Variants in SV2B observed in about 807,000 individuals in gnomAD.
The protein encoded by SV2B is synaptic vesicle glycoprotein 2B.
In SV2B, 41 loss-of-function variants were observed where a neutral mutation model predicts 73.9. The ratio of observed to expected loss-of-function variants is 0.56; its 90% CI spans 0.43 to 0.72. SV2B has a LOEUF of 0.72. Ranked by LOEUF, SV2B falls within the 30% of genes least tolerant of loss-of-function variation. The pLI, the probability that SV2B is intolerant of heterozygous loss-of-function variation, is 0.00. For missense variants in SV2B, 764 were observed against 857.8 expected, an observed-to-expected ratio of 0.89 and a Z score of 1.37; for synonymous variants, 314 against 314.2, an observed-to-expected ratio of 1.00 and a Z score of 0.01.
At chr15:91,188,458 C>T (rs867738523) in intron 1 of SV2B, among the ~76,000 whole-genome samples, 12 of 152,140 alleles carry the variant, frequency 7.9e-5, no homozygotes, top group African/African-American at 2.4e-4. Context: ...GGACTACAGG[C>T]GCCTGCCACC....
rs2042163948 is a variant in SV2B at position 91,115,873 on chromosome 15, T to C, written c.-392+15510T>C. On this transcript the variant is annotated intron_variant, in intron 1 of 12. Coordinates refer to ENST00000394232, the MANE Select transcript of SV2B (RefSeq NM_001323032.3). The surrounding 1 kb of genome is among the most constrained non-coding windows in gnomAD (Gnocchi z 4.3). ...TCATTGTGTTAGGCATCAGAGTTAA[T>C]GATAGGTAAGGAAAACGTGATCTCT... Among the ~76,000 whole-genome samples, 1 of 152,212 alleles carries C rather than the reference T, an allele frequency of 6.6e-6. No individual in the cohort carries two copies. Among genetic ancestry groups the C allele is most frequent in the African/African-American group, 2.4e-5 (1 of 41,442 alleles).
chr15:91,156,319 G>C (rs2043488869), intron 1 of SV2B, among the ~76,000 whole-genome samples: 1 of 152,196 alleles, frequency 6.6e-6, no homozygotes, highest in Non-Finnish European at 1.5e-5. Context: ...GGACTTCTGA[G>C]AGATGGGTTC....
At chr15:91,171,582 G>A (rs1056692021) in intron 1 of SV2B, among the ~76,000 whole-genome samples, 2 of 152,128 alleles carry the variant, frequency 1.3e-5, no homozygotes, top group African/African-American at 2.4e-5. Flanking sequence ...TTCTCAGAGC[G>A]GTTGGTTGGA....
At position 91,214,002 on chromosome 15, in the gene SV2B, G is replaced by A. The variant is rs1167899181; in HGVS notation, c.-391-11871G>A. On this transcript the variant is annotated intron_variant, in intron 1 of 12. Transcript: ENST00000394232. This position sits in a 1 kb window ranked among gnomAD's most constrained non-coding sequence, Gnocchi z 4.7. ...CTATGTGATTCAGTGTTATTGAATG[G>A]TATGTTCAAACACCTTTTGAAGTCA... 6.6e-6 allele frequency among the ~76,000 whole-genome samples: 1 copy of A among 152,206 alleles called. No homozygotes were observed. The highest frequency in any genetic ancestry group is 1.5e-5 in the Non-Finnish European group (1 of 68,046).
intron 9 of SV2B, among the ~76,000 whole-genome samples, chr15:91,270,768 T>C (rs934858604): frequency 1.3e-5 from 2 of 148,620 alleles, no homozygotes; most frequent in Non-Finnish European, 1.5e-5. Context: ...GAAAGCAGTG[T>C]TGAATCCTGT....
chr15:91,268,619 C>A lies in SV2B; in HGVS notation c.1373+14C>A. The A allele has an allele frequency of 6.2e-7, 1 of 1,604,034 alleles. No homozygotes were observed. The highest frequency in any genetic ancestry group is 1.3e-5 in the African/African-American group (1 of 74,894). On this transcript the variant is annotated intron_variant, in intron 9 of 12. Coordinates refer to ENST00000394232, the MANE Select transcript of SV2B (RefSeq NM_001323032.3). The surrounding 1 kb of genome is among the most constrained non-coding windows in gnomAD (Gnocchi z 4.4). The stretch of plus-strand genomic sequence containing the variant: ...TGTGAATGATAAGTAAGTGAGTGAT[C>A]ACGGGCTTCCCTCACATCAGGGTGA...
intron 1 of SV2B, among the ~76,000 whole-genome samples, chr15:91,146,541 G>A (rs1273009057): frequency 6.6e-6 from 1 of 152,130 alleles, no homozygotes; most frequent in Admixed American, 6.5e-5. Flanking sequence ...GGGCAGTGTG[G>A]CCATTTTAAT....
chr15:91,255,400 C>T (rs1230825398), intron 4 of SV2B, among the ~76,000 whole-genome samples: 3 of 152,098 alleles, frequency 2.0e-5, no homozygotes, highest in Non-Finnish European at 2.9e-5. Flanking sequence ...TGTTCTCACT[C>T]ATAAGTAGGA....
rs1274097625 is a variant in SV2B, at chr15:91,129,917, C to T, written c.-392+29554C>T. Reference sequence around the variant, plus strand: ...GGGTTAAGTGAGATAATGCATGTAACACGCTTAGCTCAGTGCCTGGTCCTT... The same window carrying T: ...GGGTTAAGTGAGATAATGCATGTAATACGCTTAGCTCAGTGCCTGGTCCTT... On this transcript the variant is annotated intron_variant, in intron 1 of 12. Transcript: ENST00000394232. The surrounding 1 kb of genome is among the most constrained non-coding windows in gnomAD (Gnocchi z 5.1). Among the ~76,000 whole-genome samples the T allele has an allele frequency of 6.6e-6, 1 of 152,172 alleles. No homozygotes were observed. Among genetic ancestry groups the T allele is most frequent in the African/African-American group, 2.4e-5 (1 of 41,452 alleles).
At chr15:91,172,216 C>A (rs532990504) in intron 1 of SV2B, among the ~76,000 whole-genome samples, 4 of 152,222 alleles carry the variant, frequency 2.6e-5, no homozygotes, top group Non-Finnish European at 4.4e-5. Flanking sequence ...TTCTCCTCCC[C>A]CTCTGCATCC....
In SV2B at chr15:91,200,180, A is replaced by T. The variant is rs150426854; in HGVS notation, c.-391-25693A>T. On this transcript the variant is annotated intron_variant, in intron 1 of 12. Transcript: ENST00000394232. ...CAAAAGGTAAGGTTTCCACTGAGGG[A>T]ATCTGATGCTTTAATTTTGAGTTTG... Among the ~76,000 whole-genome samples, 505 of 152,298 alleles carry T rather than the reference A, an allele frequency of 3.3e-3. 6 individuals carry two copies. The highest frequency in any genetic ancestry group is 3.3e-3 in the Non-Finnish European group (226 of 68,032).
intron 1 of SV2B, among the ~76,000 whole-genome samples, chr15:91,177,154 T>G (rs2044343464): frequency 6.6e-6 from 1 of 151,786 alleles, no homozygotes; most frequent in Middle Eastern, 3.2e-3. Context: ...AGGGAATCCT[T>G]TCCCCATTGC....
chr15:91,260,954 A>G (rs2047890892), intron 6 of SV2B, among the ~76,000 whole-genome samples: 2 of 152,214 alleles, frequency 1.3e-5, no homozygotes, highest in African/African-American at 4.8e-5. Context: ...CTCCCACAAC[A>G]TGTGGGAATT....
At chr15:91,102,857 A>G (rs1049690661) in intron 1 of SV2B, among the ~76,000 whole-genome samples, 3 of 152,102 alleles carry the variant, frequency 2.0e-5, no homozygotes, top group Non-Finnish European at 4.4e-5. Flanking sequence ...GGTAAATGAC[A>G]TTTTACCAGA....
At chr15:91,249,000 A>G (rs577434883) in intron 2 of SV2B, among the ~76,000 whole-genome samples, 2 of 152,032 alleles carry the variant, frequency 1.3e-5, no homozygotes, top group Admixed American at 6.5e-5. Context: ...ATGGGCCCAT[A>G]CACATACATG....
intron 1 of SV2B, among the ~76,000 whole-genome samples, chr15:91,112,153 A>G (rs940245315): frequency 1.3e-4 from 19 of 151,734 alleles, no homozygotes; most frequent in Non-Finnish European, 2.4e-4. Flanking sequence ...GGGTGGGGAT[A>G]GGGAGAAGGG....
At position 91,280,620 on chromosome 15, in the gene SV2B, T is replaced by C. The variant is rs904648406; in HGVS notation, c.1374-1108T>C. ...GAGGAAGATGGTAATGTATGTGAGATACATTTTTAAATGTTGCATTGTTCT... is the reference window on the plus strand; with the variant it reads ...GAGGAAGATGGTAATGTATGTGAGACACATTTTTAAATGTTGCATTGTTCT... On this transcript the variant is annotated intron_variant, in intron 9 of 12. Transcript: ENST00000394232. This position sits in a 1 kb window ranked among gnomAD's most constrained non-coding sequence, Gnocchi z 5.8. Among the ~76,000 whole-genome samples, 3 of 152,282 alleles carry C rather than the reference T, an allele frequency of 2.0e-5. No homozygotes were observed. Among genetic ancestry groups the C allele is most frequent in the Non-Finnish European group, 4.4e-5 (3 of 68,056 alleles).
intron 1 of SV2B, among the ~76,000 whole-genome samples, chr15:91,131,737 C>T (rs890306352): frequency 2.0e-5 from 3 of 151,854 alleles, no homozygotes; most frequent in African/African-American, 4.8e-5. Flanking sequence ...CCGAGGCAGG[C>T]GGATCACTTG....
chr15:91,207,788 C>T (rs1036033486), intron 1 of SV2B, among the ~76,000 whole-genome samples: 2 of 152,176 alleles, frequency 1.3e-5, no homozygotes, highest in African/African-American at 4.8e-5. Context: ...GGCAAAAGAG[C>T]ATGCTCTATT....
Sources: allele counts gnomAD v4.1 joint callset (sites outside exome capture counted in the v4.1 genomes callset), GRCh38; gene constraint gnomAD v4.1.1; non-coding constraint Gnocchi (gnomAD v3.1); transcripts MANE v1.5; gene names NCBI Gene and HGNC (gene_info 2026-07-23, HGNC 2026-07-21).